Variants in AGBL4 observed in about 807,000 individuals in gnomAD.
AGBL4 encodes cytosolic carboxypeptidase 6.
Under a neutral mutation model 66.4 loss-of-function variants are expected in AGBL4, and 58 were observed. That is an observed-to-expected ratio of 0.87 (90% confidence interval 0.71 to 1.09). The LOEUF is 1.09. AGBL4 is among the 50% of genes least tolerant of loss of function. The pLI is 0.00. For synonymous variants in AGBL4, 234 were observed against 222.9 expected (o/e 1.05, Z -0.44); for missense variants, 579 against 631.0 (o/e 0.92, Z 0.88).
chr1:49,989,358 C>A (rs1659752135), intron 1 of AGBL4, among the ~76,000 whole-genome samples: 1 of 152,108 alleles, frequency 6.6e-6, no homozygotes, highest in South Asian at 2.1e-4. Context: ...AATGGGATGG[C>A]ACCAATGAGG....
At chr1:49,137,560 T>C (rs1377801093) in intron 4 of AGBL4, among the ~76,000 whole-genome samples, 1 of 152,194 alleles carries the variant, frequency 6.6e-6, no homozygotes, top group Non-Finnish European at 1.5e-5. Flanking sequence ...TTGATACTAA[T>C]ACTTATGATC....
intron 5 of AGBL4, among the ~76,000 whole-genome samples, chr1:48,949,192 C>T (rs575598303): frequency 1.8e-4 from 27 of 152,312 alleles, no homozygotes; most frequent in African/African-American, 6.3e-4. Flanking sequence ...ACATGCCACA[C>T]CTCCAAAGGA....
intron 11 of AGBL4, among the ~76,000 whole-genome samples, chr1:48,583,261 G>C (rs1461176972): frequency 6.6e-6 from 1 of 152,158 alleles, no homozygotes; most frequent in Non-Finnish European, 1.5e-5. Flanking sequence ...CACAGACAGT[G>C]GTCCTCATTC....
At chr1:48,588,250 G>A (rs978919079) in intron 10 of AGBL4, among the ~76,000 whole-genome samples, 1 of 152,170 alleles carries the variant, frequency 6.6e-6, no homozygotes, top group Non-Finnish European at 1.5e-5. Context: ...AATCACTAGA[G>A]CATAGGGATC....
At chr1:49,520,757 G>T (rs1284220736) in intron 3 of AGBL4, among the ~76,000 whole-genome samples, 1 of 150,946 alleles carries the variant, frequency 6.6e-6, no homozygotes, top group Non-Finnish European at 1.5e-5. Flanking sequence ...AAAATAGAGT[G>T]CCACCTCTTA....
intron 4 of AGBL4, among the ~76,000 whole-genome samples, chr1:49,129,999 C>A (rs1039864907): frequency 2.0e-5 from 3 of 152,068 alleles, no homozygotes; most frequent in African/African-American, 7.2e-5. Flanking sequence ...TTTTAATGAT[C>A]ACCTTTCTAA....
chr1:48,569,711 G>A (rs936465362), intron 11 of AGBL4, among the ~76,000 whole-genome samples: 4 of 152,170 alleles, frequency 2.6e-5, no homozygotes, highest in South Asian at 4.1e-4. Context: ...GGAGGAGGCC[G>A]ACAGACCTGG....
At chr1:49,909,706 T>C (rs763007730) in intron 1 of AGBL4, among the ~76,000 whole-genome samples, 1 of 152,172 alleles carries the variant, frequency 6.6e-6, no homozygotes, top group Non-Finnish European at 1.5e-5. Context: ...AGAATCACTC[T>C]GGCTACTACC....
At chr1:49,372,501 G>C (rs1228049905) in intron 3 of AGBL4, among the ~76,000 whole-genome samples, 1 of 151,972 alleles carries the variant, frequency 6.6e-6, no homozygotes, top group Admixed American at 6.6e-5. Context: ...CTCTACCCAT[G>C]ACCCGAACTT....
chr1:49,152,539 T>C (rs1326895056), intron 4 of AGBL4, among the ~76,000 whole-genome samples: 1 of 152,224 alleles, frequency 6.6e-6, no homozygotes, highest in Admixed American at 6.5e-5. Context: ...TCTGAAAGGC[T>C]GCTGAGGTAA....
At chr1:49,487,117 G>A (rs979960893) in intron 3 of AGBL4, among the ~76,000 whole-genome samples, 1 of 151,856 alleles carries the variant, frequency 6.6e-6, no homozygotes, top group Non-Finnish European at 1.5e-5. Flanking sequence ...GAAGTACAAC[G>A]AAGATTTGTG....
Position 50,023,791 on chromosome 1 carries a change from C to A in AGBL4, c.6G>T (p.Ala2=), listed in dbSNP as rs1294938916. Reference sequence around the variant, plus strand: ...CCTCAGGCGCCGACTGGCTCCCCTCCGCCATTTTTGTTGTCCCTCAGTCTC... The same window carrying A: ...CCTCAGGCGCCGACTGGCTCCCCTCAGCCATTTTTGTTGTCCCTCAGTCTC... M[A]EGSQSAPEAG... is the part of the protein sequence containing the mutation. The change falls in exon 1 of 14, where the codon GCG becomes GCT. Residue 2 remains alanine (A), a synonymous_variant. Transcript: ENST00000371839. The A allele has an allele frequency of 6.5e-7, 1 of 1,549,360 alleles. No individual in the cohort carries two copies. The highest frequency in any genetic ancestry group is 1.2e-5 in the South Asian group (1 of 83,866).
intron 6 of AGBL4, among the ~76,000 whole-genome samples, chr1:48,740,990 T>C (rs1043529457): frequency 1.3e-5 from 2 of 152,236 alleles, no homozygotes; most frequent in Non-Finnish European, 2.9e-5. Context: ...AGATTTGCTG[T>C]TCAACTCACG....
At chr1:50,013,775 G>T (rs1314282855) in intron 1 of AGBL4, among the ~76,000 whole-genome samples, 1 of 152,138 alleles carries the variant, frequency 6.6e-6, no homozygotes, top group Non-Finnish European at 1.5e-5. Flanking sequence ...AGCACCTGGG[G>T]TAGTTACATG....
intron 1 of AGBL4, among the ~76,000 whole-genome samples, chr1:49,992,215 C>CA (rs1553157889): frequency 1.3e-5 from 2 of 151,924 alleles, no homozygotes; most frequent in East Asian, 3.9e-4. Flanking sequence ...ACTAAAAACA[C>CA]AAAAAAATTA....
At chr1:48,670,627 C>G (rs74076222) in intron 6 of AGBL4, among the ~76,000 whole-genome samples, 1,971 of 152,380 alleles carry the variant, frequency 0.013, 46 homozygotes, top group African/African-American at 0.044. Flanking sequence ...AGCCCCCTTC[C>G]TTGCCATAGG....
chr1:49,712,269 G>A (rs1309139607), intron 2 of AGBL4, among the ~76,000 whole-genome samples: 1 of 151,802 alleles, frequency 6.6e-6, no homozygotes, highest in African/African-American at 2.4e-5. Flanking sequence ...ATATTCCATT[G>A]AATAATACCC....
At chr1:49,626,470 T>G (rs753011645) in intron 3 of AGBL4, among the ~76,000 whole-genome samples, 2 of 152,154 alleles carry the variant, frequency 1.3e-5, no homozygotes, top group Non-Finnish European at 2.9e-5. Context: ...AGAATAGATA[T>G]CTAAAGAATG....
At chr1:49,504,642 G>A (rs1442632479) in intron 3 of AGBL4, among the ~76,000 whole-genome samples, 1 of 151,840 alleles carries the variant, frequency 6.6e-6, no homozygotes, top group African/African-American at 2.4e-5. Context: ...TATTTTATAT[G>A]ATTAAAAATA....
Sources: gnomAD v4.1 joint callset for allele counts (sites outside exome capture counted in the v4.1 genomes callset) on GRCh38, gnomAD v4.1.1 for gene constraint, MANE v1.5 for transcripts, NCBI Gene and HGNC (gene_info 2026-07-23, HGNC 2026-07-21) for gene names.